The following FSIP1 variants were observed in gnomAD, a reference collection of about 807,000 sequenced individuals.
FSIP1 encodes the protein fibrous sheath-interacting protein 1.
FSIP1 carries 65 observed loss-of-function variants against 60.9 expected under a neutral mutation model. That is an observed-to-expected ratio of 1.07 (90% CI 0.87 to 1.31). The LOEUF is 1.31. FSIP1 is among the 40% of genes most tolerant of loss of function. The pLI, the probability that FSIP1 is intolerant of heterozygous loss-of-function variation, is 0.00. For synonymous variants in FSIP1, 209 were observed against 221.2 expected, an observed-to-expected ratio of 0.94 and a Z score of 0.49; for missense variants, 675 against 665.5, an observed-to-expected ratio of 1.01 and a Z score of -0.16.
intron 10 of FSIP1, among the ~76,000 whole-genome samples, chr15:39,644,596 C>T (rs1387978308): frequency 6.6e-6 from 1 of 152,054 alleles, no homozygotes; most frequent in Non-Finnish European, 1.5e-5. Flanking sequence ...GAACTTCTGC[C>T]AAAGTAGTTT....
chr15:39,776,294 C>T (rs1025881398), intron 2 of FSIP1, 105 bp downstream of exon 2: 154 of 1,048,814 alleles, frequency 1.5e-4, no homozygotes, highest in Non-Finnish European at 1.9e-4. Flanking sequence ...CCAAACACAC[C>T]GTCTAAGGAG....
At chr15:39,658,486 G>A (rs1360722349) in intron 10 of FSIP1, among the ~76,000 whole-genome samples, 1 of 152,060 alleles carries the variant, frequency 6.6e-6, no homozygotes, top group African/African-American at 2.4e-5. Flanking sequence ...CTGATCTCCG[G>A]TGATCCGCCC....
intron 8 of FSIP1, among the ~76,000 whole-genome samples, chr15:39,732,262 C>T (rs910535914): frequency 3.9e-5 from 6 of 152,180 alleles, no homozygotes; most frequent in Admixed American, 3.3e-4. Context: ...TCCTAACAGG[C>T]CATGGGCCCA....
At chr15:39,710,261 T>C (rs750663817) in intron 10 of FSIP1, among the ~76,000 whole-genome samples, 3 of 151,920 alleles carry the variant, frequency 2.0e-5, no homozygotes, top group Admixed American at 6.6e-5. Context: ...GGTGGACAGA[T>C]TGCTTGAGCC....
At chr15:39,656,972 A>C (rs1595580419) in intron 10 of FSIP1, among the ~76,000 whole-genome samples, 1 of 152,210 alleles carries the variant, frequency 6.6e-6, no homozygotes, top group African/African-American at 2.4e-5. Context: ...TGTGGCTCCC[A>C]GATCTGTTCA....
chr15:39,759,409 CA>C (rs1244925131), intron 5 of FSIP1, among the ~76,000 whole-genome samples: 2 of 151,958 alleles, frequency 1.3e-5, no homozygotes. Context: ...TTTAAATAAA[CA>C]AAGCTTAAAA....
At chr15:39,651,563 TAG>T (rs1340944567) in intron 10 of FSIP1, among the ~76,000 whole-genome samples, 8 of 152,238 alleles carry the variant, frequency 5.3e-5, no homozygotes, top group African/African-American at 9.6e-5. Context: ...GCTTATTTCA[TAG>T]AGTTGTCCTG....
At chr15:39,613,317 T>G (rs903018636) in intron 11 of FSIP1, among the ~76,000 whole-genome samples, 2 of 152,152 alleles carry the variant, frequency 1.3e-5, no homozygotes, top group Non-Finnish European at 2.9e-5. Context: ...TAAAATTATA[T>G]GCCAACATAT....
chr15:39,699,831 T>G (rs1894985033), intron 10 of FSIP1, among the ~76,000 whole-genome samples: 1 of 152,210 alleles, frequency 6.6e-6, no homozygotes, highest in South Asian at 2.1e-4. Flanking sequence ...TGTCTGTTTT[T>G]CAATCACTGC....
intron 2 of FSIP1, among the ~76,000 whole-genome samples, chr15:39,775,604 G>T (rs1379740128): frequency 2.6e-5 from 4 of 152,188 alleles, no homozygotes; most frequent in African/African-American, 9.6e-5. Context: ...GTAATTCCCA[G>T]TGTCGGAGGA....
Position 39,738,086 on chromosome 15 carries a change from C to A in FSIP1, c.891+5G>T. On this transcript the variant is annotated splice_donor_5th_base_variant and intron_variant, in intron 8 of 11. Coordinates refer to ENST00000350221, the MANE Select transcript of FSIP1 (RefSeq NM_152597.5). ...GTGTAGTGTTCCCTATCAGAGTTTA[C>A]GTACCTCAGAACTGGAGAGCCCGGA... 1.3e-6 allele frequency: 2 copies of A among 1,553,518 alleles called. No individual in the cohort carries two copies. The highest frequency in any genetic ancestry group is 2.3e-5 in the South Asian group (2 of 87,316).
At chr15:39,751,418 A>AACACACACACACACAC (rs3065153) in intron 5 of FSIP1, among the ~76,000 whole-genome samples, 260 of 144,858 alleles carry the variant, frequency 1.8e-3, no homozygotes, top group Non-Finnish European at 2.8e-3. Context: ...GTAATACATA[A>AACACACACACACACAC]ACACACACAC....
intron 2 of FSIP1, among the ~76,000 whole-genome samples, chr15:39,774,775 G>A (rs571491398): frequency 6.6e-6 from 1 of 152,304 alleles, no homozygotes; most frequent in South Asian, 2.1e-4. Flanking sequence ...TAGGAAGCTG[G>A]CAGAAAAATA....
intron 10 of FSIP1, among the ~76,000 whole-genome samples, chr15:39,709,681 GT>G (rs1467304458): frequency 6.6e-6 from 1 of 152,042 alleles, no homozygotes; most frequent in African/African-American, 2.4e-5. Context: ...GAGGGGTATG[GT>G]TTTTGGATGA....
intron 10 of FSIP1, among the ~76,000 whole-genome samples, chr15:39,655,246 C>A (rs1416915334): frequency 1.3e-5 from 2 of 152,152 alleles, no homozygotes; most frequent in African/African-American, 4.8e-5. Context: ...TGAGAACAAT[C>A]CTTTCTGGAA....
At chr15:39,710,796 G>T (rs1379854624) in intron 10 of FSIP1, among the ~76,000 whole-genome samples, 2 of 152,204 alleles carry the variant, frequency 1.3e-5, no homozygotes, top group Non-Finnish European at 2.9e-5. Context: ...ATAAAATGAG[G>T]ACTGTGGTAT....
At chr15:39,645,601 A>G (rs969475285) in intron 10 of FSIP1, among the ~76,000 whole-genome samples, 40 of 151,002 alleles carry the variant, frequency 2.6e-4, no homozygotes, top group African/African-American at 2.4e-4. Context: ...GTTGGGAAGC[A>G]GGCAGGAGCC....
intron 10 of FSIP1, among the ~76,000 whole-genome samples, chr15:39,637,784 T>C (rs992220469): frequency 6.6e-6 from 1 of 151,788 alleles, no homozygotes; most frequent in African/African-American, 2.4e-5. Flanking sequence ...AAATCATATG[T>C]AAGGCAACCA....
intron 10 of FSIP1, among the ~76,000 whole-genome samples, chr15:39,618,877 A>G (rs974727870): frequency 6.6e-6 from 1 of 152,224 alleles, no homozygotes; most frequent in African/African-American, 2.4e-5. Flanking sequence ...CTTCAGCTGA[A>G]TACCATAACA....
Sources: allele counts gnomAD v4.1 joint callset (sites outside exome capture counted in the v4.1 genomes callset), GRCh38; gene constraint gnomAD v4.1.1; transcripts MANE v1.5; gene names NCBI Gene and HGNC (gene_info 2026-07-23, HGNC 2026-07-21).